USP42: variants seen among roughly 807,000 people sequenced by gnomAD.
USP42 encodes ubiquitin specific peptidase 42, also known as ubiquitin carboxyl-terminal hydrolase 42.
A neutral mutation model predicts 113.0 loss-of-function variants in USP42; 23 were observed. The observed-to-expected ratio is 0.20, with a 90% confidence interval of 0.15 to 0.29. The LOEUF is 0.29. USP42 is among the 10% of genes least tolerant of loss of function. The pLI, the probability that USP42 is intolerant of heterozygous loss-of-function variation, is 1.00. For synonymous variants in USP42, 933 were observed against 699.0 expected, an observed-to-expected ratio of 1.33 and a Z score of -5.28; for missense variants, 2,174 against 1,779.8, an observed-to-expected ratio of 1.22 and a Z score of -3.99.
At chr7:6,095,601 G>A in the USP42 span, among the ~76,000 whole-genome samples, 50 of 151,032 alleles carry the variant, frequency 3.3e-4, 2 homozygotes, top group African/African-American at 1.2e-3. Flanking sequence ...CCTGGGAGGC[G>A]GAGGTTGCAA....
chr7:6,115,480 A>G lies in USP42; in HGVS notation c.399A>G (p.Pro133=), dbSNP rs748480302. The stretch of plus-strand genomic sequence containing the variant: ...CACTGCAGTGTTTAACCTACACACC[A>G]CCTCTTGCCAATTACATGCTATCAC... The part of the protein sequence containing the change: ...NAALQCLTYT[P]PLANYMLSHE... The change falls in exon 3 of 18, where the codon CCA becomes CCG. Residue 133 remains proline, a synonymous_variant. Coordinates refer to ENST00000306177, the MANE Select transcript of USP42 (RefSeq NM_032172.3). 1.9e-6 allele frequency: 3 copies of G among 1,614,038 alleles called. No individual in the cohort carries two copies. Among genetic ancestry groups the G allele is most frequent in the South Asian group, 2.2e-5 (2 of 91,086 alleles).
At chr7:6,122,381 G>A (rs1780275339) in intron 3 of USP42, among the ~76,000 whole-genome samples, 1 of 151,624 alleles carries the variant, frequency 6.6e-6, no homozygotes, top group African/African-American at 2.4e-5. Context: ...AACCTTCTGG[G>A]TTCAAGTGAT....
At position 6,111,331 on chromosome 7, in the gene USP42, A is replaced by G; in HGVS notation, c.198A>G (p.Ser66=). The G allele has an allele frequency of 6.2e-7, 1 of 1,611,010 alleles. No homozygotes were observed. Among genetic ancestry groups the G allele is most frequent in the South Asian group, 1.1e-5 (1 of 90,528 alleles). Residue 66 remains serine, a synonymous_variant, in exon 2 of 18, where the codon TCA becomes TCG. Coordinates refer to ENST00000306177, the MANE Select transcript of USP42 (RefSeq NM_032172.3). The stretch of plus-strand genomic sequence containing the variant: ...CTGGTGCTGTAGTTTATTCGAGTTC[A>G]TCTGTACCTGATAAATCAAAACCAT... ...PVPGAVVYSS[S]SVPDKSKPSP... is the part of the protein sequence containing the mutation.
chr7:6,104,008 C>G (rs549285941), upstream of USP42, among the ~76,000 whole-genome samples: 1 of 151,152 alleles, frequency 6.6e-6, no homozygotes, highest in Non-Finnish European at 1.5e-5. Context: ...CGCTTGAGCC[C>G]GGGAGGTCGC....
upstream of USP42, chr7:6,104,881 C>T (rs545305604): frequency 4.8e-5 from 7 of 146,882 alleles, no homozygotes; most frequent in South Asian, 1.3e-3. Context: ...CCCGGCGGCC[C>T]GGAGGGGCGC....
intron 1 of USP42, among the ~76,000 whole-genome samples, chr7:6,107,655 C>A (rs527995235): frequency 9.9e-4 from 151 of 152,056 alleles, no homozygotes; most frequent in Admixed American, 2.4e-3. Flanking sequence ...GTGATCTGCC[C>A]GCCTCGTCCT....
At chr7:6,147,981 TC>T in intron 12 of USP42, 89 bp downstream of exon 12, 1 of 1,298,460 alleles carries the variant, frequency 7.7e-7, no homozygotes, top group Non-Finnish European at 1.1e-6. Context: ...GGTTGCTGTG[TC>T]CTCAAATACA....
chr7:6,150,748 C>G (rs745619695), intron 14 of USP42, among the ~76,000 whole-genome samples: 1 of 152,204 alleles, frequency 6.6e-6, no homozygotes, highest in African/African-American at 2.4e-5. Context: ...TCTCCTCCTG[C>G]GTGGCCACCT....
At chr7:6,119,684 C>T (rs547690551) in intron 3 of USP42, among the ~76,000 whole-genome samples, 115 of 151,802 alleles carry the variant, frequency 7.6e-4, no homozygotes, top group African/African-American at 2.5e-3. Context: ...TCATTTAGGC[C>T]TTGTTTTTTG....
rs757673416 is a variant in USP42, at chr7:6,157,955, C to T, written c.3943+900C>T. Among the ~76,000 whole-genome samples, 4 of 152,292 alleles carry T rather than the reference C, an allele frequency of 2.6e-5. No homozygotes were observed. The highest frequency in any genetic ancestry group is 3.9e-4 in the East Asian group (2 of 5,178). On this transcript the variant is annotated intron_variant, in intron 16 of 17. Transcript: ENST00000306177. The surrounding 1 kb of genome is among the most constrained non-coding windows in gnomAD (Gnocchi z 4.1). ...TTGGTGTCCGGTGACCGCTCACCCTCGAGAGGAGCTGTGAGCCTGTTAGAA... is the reference window on the plus strand; with the variant it reads ...TTGGTGTCCGGTGACCGCTCACCCTTGAGAGGAGCTGTGAGCCTGTTAGAA...
intron 3 of USP42, among the ~76,000 whole-genome samples, chr7:6,120,511 G>T (rs542959080): frequency 7.2e-5 from 11 of 152,220 alleles, no homozygotes; most frequent in Admixed American, 6.5e-4. Flanking sequence ...CCAAAGTGCT[G>T]GGATTACAGG....
intron 3 of USP42, among the ~76,000 whole-genome samples, chr7:6,121,434 G>C (rs927281184): frequency 1.3e-5 from 2 of 151,852 alleles, no homozygotes; most frequent in Non-Finnish European, 2.9e-5. Context: ...GTCTTCGTAA[G>C]TATTATTAGC....
the USP42 span, among the ~76,000 whole-genome samples, chr7:6,093,281 TTCTC>T: frequency 6.8e-6 from 1 of 147,924 alleles, no homozygotes; most frequent in Non-Finnish European, 1.5e-5. Context: ...CCTTCTTTTC[TTCTC>T]TCTCTTTTTT....
rs910213980 is a variant in USP42, at chr7:6,106,363, C to T, written c.-10+1331C>T. 2.0e-5 allele frequency among the ~76,000 whole-genome samples: 3 copies of T among 152,152 alleles called. No homozygotes were observed. In the South Asian group the frequency reaches 6.2e-4, roughly 32 times the overall value. ...TCTTTAAACGTGCTAATATTATTAC[C>T]TCAATGTATGCAGAGTGCCACAGTG... On this transcript the variant is annotated intron_variant, in intron 1 of 17. Transcript: ENST00000306177.
At chr7:6,109,114 C>G (rs1779451650) in intron 1 of USP42, among the ~76,000 whole-genome samples, 2 of 152,028 alleles carry the variant, frequency 1.3e-5, no homozygotes, top group South Asian at 4.1e-4. Flanking sequence ...ATGGTGATGT[C>G]AAGGAAAGTG....
At chr7:6,112,395 G>A (rs1779644624) in intron 2 of USP42, among the ~76,000 whole-genome samples, 1 of 152,004 alleles carries the variant, frequency 6.6e-6, no homozygotes, top group South Asian at 2.1e-4. Context: ...GTTGCAGTGA[G>A]CCCAAGATCG....
In USP42 at chr7:6,130,802, T is replaced by C. The variant is rs573011354; in HGVS notation, c.443-5039T>C. The stretch of plus-strand genomic sequence containing the variant: ...GAGAGGCTCAGGAAGACAAAGATTT[T>C]ATGCTCACAGGGCACACCATGCAGG... On this transcript the variant is annotated intron_variant, in intron 3 of 17. Transcript: ENST00000306177. Among the ~76,000 whole-genome samples the C allele has an allele frequency of 3.3e-5, 5 of 152,206 alleles. No individual in the cohort carries two copies. The South Asian group carries it at 1.0e-3, about 32-fold the overall frequency.
At chr7:6,144,724 G>A (rs1781611575) in intron 9 of USP42, among the ~76,000 whole-genome samples, 1 of 152,108 alleles carries the variant, frequency 6.6e-6, no homozygotes, top group African/African-American at 2.4e-5. Context: ...ACTAAAATTA[G>A]CTGGGTGTGG....
chr7:6,158,048 G>C lies in USP42; in HGVS notation c.3943+993G>C, dbSNP rs969401182. On this transcript the variant is annotated intron_variant, in intron 16 of 17. Transcript: ENST00000306177. This position sits in a 1 kb window ranked among gnomAD's most constrained non-coding sequence, Gnocchi z 4.2. Reference sequence around the variant, plus strand: ...AAACTGCAGCCCTGGGGCCAACTTCGGCCAGTCACCAGACTTTGTATGAAC... The same window carrying C: ...AAACTGCAGCCCTGGGGCCAACTTCCGCCAGTCACCAGACTTTGTATGAAC... Among the ~76,000 whole-genome samples the C allele has an allele frequency of 3.9e-5, 6 of 152,196 alleles. No individual in the cohort carries two copies. The highest frequency in any genetic ancestry group is 8.8e-5 in the Non-Finnish European group (6 of 68,048).
Sources: gnomAD v4.1 joint callset for allele counts (sites outside exome capture counted in the v4.1 genomes callset) on GRCh38, gnomAD v4.1.1 for gene constraint, Gnocchi (gnomAD v3.1) non-coding constraint, MANE v1.5 for transcripts, NCBI Gene and HGNC (gene_info 2026-07-23, HGNC 2026-07-21) for gene names.